The following AMACR variants were observed in gnomAD, a reference collection of about 807,000 sequenced individuals.
The protein encoded by AMACR is alpha-methylacyl-CoA racemase, also known as 2-methylacyl-CoA racemase.
Under a neutral mutation model 22.2 loss-of-function variants are expected in AMACR, and 18 were observed. The observed-to-expected ratio is 0.81, with a 90% CI of 0.56 to 1.20. AMACR has a LOEUF of 1.20. Ranked by LOEUF, AMACR falls within the 50% of genes most tolerant of loss-of-function variation. The pLI is 0.00. For synonymous variants in AMACR, 213 were observed against 191.3 expected (o/e 1.11, Z -0.94); for missense variants, 499 against 490.6 (o/e 1.02, Z -0.16).
chr5:34,004,400 C>CAGATATATAAA (rs1753905968), intron 3 of AMACR, among the ~76,000 whole-genome samples, 174 bp downstream of exon 3: 1 of 152,182 alleles, frequency 6.6e-6, no homozygotes, highest in South Asian at 2.1e-4. Flanking sequence ...GACATTCTAA[C>CAGATATATAAA]AGATATATAA....
Position 33,988,118 on chromosome 5 carries a change from GGATTA to G in AMACR, c.*970_*974del. ...TACTCCCTCTACTCTGATGGCACCC[GGATTA>G]GATTGTGGAATCTACCCCTTCCTCA... On this transcript the variant is annotated 3_prime_UTR_variant, in exon 5 of 5. Coordinates refer to ENST00000335606, the MANE Select transcript of AMACR (RefSeq NM_014324.6). The G allele has an allele frequency of 5.6e-6, 3 of 536,990 alleles. No individual in the cohort carries two copies. Among genetic ancestry groups the G allele is most frequent in the Non-Finnish European group, 9.9e-6 (3 of 303,632 alleles). The allele number at this position is 536,990 out of a possible 1,614,324, so 33.3% of individuals were successfully genotyped here. A position where few individuals can be genotyped will look rare whatever the true frequency, so the allele number is the denominator to read the frequency against.
intron 3 of AMACR, among the ~76,000 whole-genome samples, chr5:34,000,824 G>A (rs969203967): frequency 3.3e-5 from 5 of 152,160 alleles, no homozygotes; most frequent in Admixed American, 6.5e-5. Context: ...GAACAGCTTC[G>A]TTGGTCTGAC....
intron 4 of AMACR, among the ~76,000 whole-genome samples, chr5:33,995,995 G>A (rs561758688): frequency 6.6e-6 from 1 of 152,238 alleles, no homozygotes; most frequent in East Asian, 1.9e-4. Flanking sequence ...AAAACCAGCA[G>A]GAGAATAGCC....
chr5:33,995,029 G>T (rs1753595837), intron 4 of AMACR, among the ~76,000 whole-genome samples: 1 of 152,202 alleles, frequency 6.6e-6, no homozygotes, highest in Non-Finnish European at 1.5e-5. Flanking sequence ...AATACTGAAT[G>T]AAAAATTCCA....
chr5:34,003,207 TG>T (rs1314201613), intron 3 of AMACR, among the ~76,000 whole-genome samples: 2 of 152,226 alleles, frequency 1.3e-5, no homozygotes, highest in Admixed American at 1.3e-4. Context: ...CCTTTCCTAG[TG>T]GATCACATAG....
chr5:34,007,949 A>AC lies in AMACR; in HGVS notation c.70_71insG (p.Leu24ArgfsTer3). ...TACCACACGCGCCCCGAAGTCAGCC[A>AC]GGACCATAGCACAGAACGGGCCCGG... On this transcript the variant is annotated frameshift_variant, in exon 1 of 5. Coordinates refer to ENST00000335606, the MANE Select transcript of AMACR (RefSeq NM_014324.6). LOFTEE classifies it high-confidence loss of function. 6.2e-7 allele frequency: 1 copy of AC among 1,611,514 alleles called. No homozygotes were observed. Among genetic ancestry groups the AC allele is most frequent in the Non-Finnish European group, 8.5e-7 (1 of 1,179,720 alleles).
intron 4 of AMACR, chr5:33,993,890 CCAGCTTTTGAAAATTATCTACTGATAAAA>C: frequency 5.8e-6 from 2 of 345,050 alleles, no homozygotes; most frequent in Non-Finnish European, 1.2e-5. Context: ...CAGAGATCAC[CCAGCTTTTGAAAATTATCTACTGATAAAA>C]CAGCTTTTGA....
chr5:34,004,844 T>A lies in AMACR; in HGVS notation c.392-110A>T, dbSNP rs1434671129. ...CAATCTCTCCAGCAGATAATCTAAG[T>A]GAAAGCTAGTATACATCACTTTTCC... is the stretch of plus-strand genomic sequence containing the variant. On this transcript the variant is annotated intron_variant, in intron 2 of 4. Coordinates refer to ENST00000335606, the MANE Select transcript of AMACR (RefSeq NM_014324.6). The A allele has an allele frequency of 2.3e-6, 3 of 1,295,178 alleles. No individual in the cohort carries two copies. In the East Asian group the frequency reaches 7.5e-5, roughly 33 times the overall value. 80.2% of individuals were successfully genotyped at this position (1,295,178 alleles called of 1,614,324 possible). A position where few individuals can be genotyped will look rare whatever the true frequency, so the allele number is the denominator to read the frequency against.
Position 34,007,761 on chromosome 5 carries a change from GC to G in AMACR, c.247+11del. On this transcript the variant is annotated intron_variant, in intron 1 of 4. Coordinates refer to ENST00000335606, the MANE Select transcript of AMACR (RefSeq NM_014324.6). ...GAACTTCCCGAGAGCAGCCCGCGGG[GC>G]CCGGGCTCACCGCGGCGGAAGGGCT... 1 of 1,543,902 alleles carries G rather than the reference GC, an allele frequency of 6.5e-7. No individual in the cohort carries two copies. Among genetic ancestry groups the G allele is most frequent in the African/African-American group, 1.4e-5 (1 of 73,546 alleles).
intron 4 of AMACR, among the ~76,000 whole-genome samples, chr5:33,993,561 C>G (rs1336176516): frequency 6.6e-6 from 1 of 152,158 alleles, no homozygotes; most frequent in African/African-American, 2.4e-5. Flanking sequence ...GTTTCGTTTC[C>G]TTACACCCTT....
At chr5:33,997,136 T>C in intron 4 of AMACR, 1 of 749,524 alleles carries the variant, frequency 1.3e-6, no homozygotes, top group South Asian at 1.4e-5. Flanking sequence ...TCCTTTAAGG[T>C]TGATCCATTT....
rs1320282751 is a variant in AMACR at position 33,988,996 on chromosome 5, T to C, written c.*97A>G. On this transcript the variant is annotated 3_prime_UTR_variant, in exon 5 of 5. Coordinates refer to ENST00000335606, the MANE Select transcript of AMACR (RefSeq NM_014324.6). ...TCTTGATTAGAGTGGTAGGACACTG[T>C]AATACTGTTCCTCCATGTTTCCATG... The C allele has an allele frequency of 2.5e-6, 4 of 1,575,496 alleles. No individual in the cohort carries two copies. Among genetic ancestry groups the C allele is most frequent in the Non-Finnish European group, 2.6e-6 (3 of 1,161,198 alleles).
At chr5:33,997,389 G>A (rs774198045) in intron 4 of AMACR, 15 of 776,994 alleles carry the variant, frequency 1.9e-5, no homozygotes, top group Admixed American at 1.0e-4. Flanking sequence ...CGCCTCCAAC[G>A]GTTACTGCCA....
rs79853365 is a variant in AMACR at position 34,007,336 on chromosome 5, G to A, written c.247+437C>T. Among the ~76,000 whole-genome samples, 13 of 152,250 alleles carry A rather than the reference G, an allele frequency of 8.5e-5. No individual in the cohort carries two copies. The South Asian group carries it at 1.5e-3, about 17-fold the overall frequency. On this transcript the variant is annotated intron_variant, in intron 1 of 4. Coordinates refer to ENST00000335606, the MANE Select transcript of AMACR (RefSeq NM_014324.6). ...GCCAGCATTTCAGGCAGGGAGGAGC[G>A]TTAGCCTGGGCCCGTGGATGGCTTG...
intron 2 of AMACR, 117 bp downstream of exon 2, chr5:34,005,639 T>G (rs1753948769): frequency 7.7e-7 from 1 of 1,300,238 alleles, no homozygotes; most frequent in South Asian, 1.4e-5. Context: ...CCATGCTCTC[T>G]TGATTGATTC....
chr5:33,994,044 G>T (rs1021505041), intron 4 of AMACR: 5 of 455,906 alleles, frequency 1.1e-5, no homozygotes, highest in African/African-American at 1.0e-4. Context: ...GGACGCAGCA[G>T]AGTATGCACC....
rs35448266 is a variant in AMACR at position 34,008,041 on chromosome 5, G to A, written c.-22C>T. On this transcript the variant is annotated 5_prime_UTR_variant, in exon 1 of 5. Transcript: ENST00000335606. ...CCATGGCGCTTCCCAGTGCCCCGCT[G>A]AAGGAAACTGAGCAGCCCTTAGCCC... The A allele has an allele frequency of 1.2e-6, 2 of 1,607,786 alleles. No homozygotes were observed. Among genetic ancestry groups the A allele is most frequent in the Admixed American group, 3.3e-5 (2 of 59,974 alleles).
chr5:34,007,826 A>ACGG lies in AMACR; in HGVS notation c.191_193dup (p.Ala64dup). The ACGG allele has an allele frequency of 6.3e-7, 1 of 1,578,148 alleles. No individual in the cohort carries two copies. Among genetic ancestry groups the ACGG allele is most frequent in the Non-Finnish European group, 8.6e-7 (1 of 1,165,840 alleles). On this transcript the variant is annotated inframe_insertion, in exon 1 of 5. Transcript: ENST00000335606. ...CGACCGCTTGCACAGACGCCGCAGC[A>ACGG]CGGCGGCTCCCCGCGGCTGCTTCAG...
intron 2 of AMACR, 61 bp downstream of exon 2, chr5:34,005,695 C>T: frequency 6.3e-7 from 1 of 1,579,716 alleles, no homozygotes; most frequent in Admixed American, 1.7e-5. Flanking sequence ...TGTTAATCAA[C>T]ATACCTGTAG....
Sources: allele counts gnomAD v4.1 joint callset (sites outside exome capture counted in the v4.1 genomes callset), GRCh38; gene constraint gnomAD v4.1.1; transcripts MANE v1.5; gene names NCBI Gene and HGNC (gene_info 2026-07-23, HGNC 2026-07-21).